Variants in PDE4D observed in about 807,000 individuals in gnomAD.
PDE4D encodes phosphodiesterase 4D, also known as 3',5'-cyclic-AMP phosphodiesterase 4D.
A neutral mutation model predicts 87.4 loss-of-function variants in PDE4D; 24 were observed. That is an observed-to-expected ratio of 0.27 (90% CI 0.20 to 0.39). The LOEUF (loss-of-function observed/expected upper bound fraction) is 0.39. Ranked by LOEUF, PDE4D falls within the 10% of genes least tolerant of loss-of-function variation. The pLI is 1.00. For synonymous variants in PDE4D, 384 were observed against 383.2 expected (o/e 1.00, Z -0.02); for missense variants, 714 against 1,041.0 (o/e 0.69, Z 4.32).
intron 1 of PDE4D, among the ~76,000 whole-genome samples, chr5:60,338,174 G>A (rs1475030183): frequency 6.6e-6 from 1 of 152,126 alleles, no homozygotes; most frequent in Non-Finnish European, 1.5e-5. Context: ...TGACACTCAG[G>A]TGCTGTGGGA....
chr5:59,587,705 C>G (rs980100305), intron 1 of PDE4D: 31 of 750,370 alleles, frequency 4.1e-5, no homozygotes, highest in Non-Finnish European at 5.0e-5. Context: ...AGGTGGGTTC[C>G]CAGACATTGC....
intron 1 of PDE4D, among the ~76,000 whole-genome samples, chr5:60,466,525 T>C (rs1473304829): frequency 1.3e-5 from 2 of 152,198 alleles, no homozygotes; most frequent in Middle Eastern, 3.2e-3. Flanking sequence ...TAAAAATAAA[T>C]GTCTGGCTTA....
At chr5:59,810,423 A>C (rs1404306723) in intron 1 of PDE4D, among the ~76,000 whole-genome samples, 1 of 152,102 alleles carries the variant, frequency 6.6e-6, no homozygotes, top group Non-Finnish European at 1.5e-5. Context: ...AATGTTATTG[A>C]TTTTTCCTTA....
intron 3 of PDE4D, among the ~76,000 whole-genome samples, chr5:59,926,139 A>G (rs61301609): frequency 1.3e-5 from 2 of 150,092 alleles, no homozygotes; most frequent in East Asian, 3.8e-4. Context: ...TTAAAACATT[A>G]AAAAAAATTG....
At chr5:60,206,315 C>A (rs1327588608) in intron 1 of PDE4D, among the ~76,000 whole-genome samples, 2 of 152,164 alleles carry the variant, frequency 1.3e-5, no homozygotes, top group East Asian at 3.8e-4. Context: ...GGAAACAGCA[C>A]AGGGCTAAAG....
chr5:59,732,615 C>G (rs888305849), intron 1 of PDE4D, among the ~76,000 whole-genome samples: 1 of 152,090 alleles, frequency 6.6e-6, no homozygotes, highest in Non-Finnish European at 1.5e-5. Flanking sequence ...GGATCCCAGT[C>G]CCCTGACCGG....
intron 1 of PDE4D, among the ~76,000 whole-genome samples, chr5:59,523,242 C>A (rs1812539102): frequency 6.6e-6 from 1 of 152,198 alleles, no homozygotes. Context: ...CCACATTGAA[C>A]TTTAAAATCC....
chr5:60,423,777 C>CA (rs1296929193), intron 1 of PDE4D, among the ~76,000 whole-genome samples: 3 of 151,448 alleles, frequency 2.0e-5, no homozygotes, highest in South Asian at 2.1e-4. Flanking sequence ...TTGAAAAGAT[C>CA]AAAAAAATAG....
intron 1 of PDE4D, among the ~76,000 whole-genome samples, chr5:59,876,746 C>T (rs537938651): frequency 2.6e-5 from 4 of 152,060 alleles, no homozygotes; most frequent in Non-Finnish European, 5.9e-5. Context: ...TAGTGTATGT[C>T]AATGCACTAT....
intron 1 of PDE4D, among the ~76,000 whole-genome samples, chr5:60,306,845 CTT>C (rs1754542792): frequency 6.6e-6 from 1 of 151,960 alleles, no homozygotes; most frequent in South Asian, 2.1e-4. Flanking sequence ...AAGAAAAAGA[CTT>C]TTAGAAAAGT....
chr5:59,659,412 C>T (rs923150910), intron 1 of PDE4D, among the ~76,000 whole-genome samples: 1 of 152,198 alleles, frequency 6.6e-6, no homozygotes, highest in African/African-American at 2.4e-5. Context: ...TAAAGAGAAA[C>T]AACCAACTGC....
At chr5:59,435,020 T>C (rs955325398) in intron 1 of PDE4D, among the ~76,000 whole-genome samples, 5 of 152,104 alleles carry the variant, frequency 3.3e-5, no homozygotes, top group African/African-American at 4.8e-5. Context: ...CAAGGTCACA[T>C]AGAGTGTTAA....
chr5:59,051,198 C>A (rs571203296), intron 5 of PDE4D, among the ~76,000 whole-genome samples: 8 of 152,154 alleles, frequency 5.3e-5, no homozygotes, highest in Non-Finnish European at 1.2e-4. Context: ...ATGGCAAAAC[C>A]GCATCTCTAC....
chr5:59,187,277 T>C (rs1743136902), intron 3 of PDE4D, among the ~76,000 whole-genome samples: 1 of 152,124 alleles, frequency 6.6e-6, no homozygotes, highest in Non-Finnish European at 1.5e-5. Context: ...TAATTTAATA[T>C]TATTTTGTCT....
At chr5:59,834,863 T>A (rs1741767190) in intron 1 of PDE4D, among the ~76,000 whole-genome samples, 1 of 152,078 alleles carries the variant, frequency 6.6e-6, no homozygotes, top group African/African-American at 2.4e-5. Flanking sequence ...CTGAAGGCAG[T>A]GAAGTCTGTG....
chr5:59,133,411 T>A (rs563428958), intron 5 of PDE4D, among the ~76,000 whole-genome samples: 1 of 152,314 alleles, frequency 6.6e-6, no homozygotes, highest in Admixed American at 6.5e-5. Flanking sequence ...TCGTGAGGAT[T>A]TCACAAGGTA....
At position 59,745,655 on chromosome 5, in the gene PDE4D, T is replaced by A. The variant is rs183847654; in HGVS notation, c.455+147513A>T. On this transcript the variant is annotated intron_variant, in intron 1 of 14. Transcript: ENST00000340635. ...GAACATAAAATACGCACCAGGAGCATTTCTTGAGGAGAAGCCAACCAATCA... is the reference window on the plus strand; with the variant it reads ...GAACATAAAATACGCACCAGGAGCAATTCTTGAGGAGAAGCCAACCAATCA... Among the ~76,000 whole-genome samples, 52 of 152,188 alleles carry A rather than the reference T, an allele frequency of 3.4e-4. No homozygotes were observed. The East Asian group carries it at 9.3e-3, about 27-fold the overall frequency.
chr5:60,066,209 G>T (rs1363958401), intron 2 of PDE4D, among the ~76,000 whole-genome samples: 1 of 152,060 alleles, frequency 6.6e-6, no homozygotes, highest in Non-Finnish European at 1.5e-5. Context: ...TTTTTCATGT[G>T]TTTTTTGGCT....
chr5:59,549,403 G>C (rs1307955240), intron 1 of PDE4D, among the ~76,000 whole-genome samples: 1 of 152,166 alleles, frequency 6.6e-6, no homozygotes, highest in African/African-American at 2.4e-5. Flanking sequence ...AATAAGAGTA[G>C]AGTGACATTC....
Sources: gnomAD v4.1 joint callset for allele counts (sites outside exome capture counted in the v4.1 genomes callset) on GRCh38, gnomAD v4.1.1 for gene constraint, MANE v1.5 for transcripts, NCBI Gene and HGNC (gene_info 2026-07-23, HGNC 2026-07-21) for gene names.